TRERF1: variants seen among roughly 807,000 people sequenced by gnomAD.
TRERF1 encodes transcriptional regulating factor 1.
Under a neutral mutation model 122.9 loss-of-function variants are expected in TRERF1, and 27 were observed. The ratio of observed to expected loss-of-function variants is 0.22; its 90% CI spans 0.16 to 0.30. The LOEUF (loss-of-function observed/expected upper bound fraction) is 0.30, where lower values mean the gene tolerates loss of function less well. Ranked by LOEUF, TRERF1 falls within the 10% of genes least tolerant of loss-of-function variation. The probability of loss-of-function intolerance (pLI) is 1.00; values close to 1 mark genes in which losing one functional copy is unlikely to be tolerated. For missense variants in TRERF1, 1,248 were observed against 1,560.3 expected (o/e 0.80, Z 3.37); for synonymous variants, 636 against 641.7 (o/e 0.99, Z 0.13).
chr6:42,247,894 T>C lies in TRERF1; in HGVS notation c.2657-1350A>G, dbSNP rs146828285. Among the ~76,000 whole-genome samples the C allele has an allele frequency of 5.7e-3, 867 of 152,298 alleles. 19 individuals are homozygous for C. The highest frequency in any genetic ancestry group is 0.05 in the Admixed American group (770 of 15,300). ...AGGCTTTGACCTCACTACACTTCTC[T>C]AGACTTCATTAGTGGGGTACACTAG... On this transcript the variant is annotated intron_variant, in intron 13 of 17. Transcript: ENST00000372922.
chr6:42,313,002 C>T (rs948604502), intron 3 of TRERF1, among the ~76,000 whole-genome samples: 2 of 152,220 alleles, frequency 1.3e-5, no homozygotes, highest in African/African-American at 4.8e-5. Context: ...GGGGCAGTGC[C>T]CTCTGCTCAT....
intron 3 of TRERF1, among the ~76,000 whole-genome samples, chr6:42,308,744 T>C (rs1382653219): frequency 6.6e-6 from 1 of 151,914 alleles, no homozygotes; most frequent in Non-Finnish European, 1.5e-5. Flanking sequence ...TGAGAACTTA[T>C]GAACACAAAG....
intron 3 of TRERF1, among the ~76,000 whole-genome samples, chr6:42,328,004 CTTTTTTT>C (rs36069546): frequency 4.6e-5 from 5 of 108,004 alleles, no homozygotes; most frequent in East Asian, 4.8e-4. Context: ...TTCTTTCTTT[CTTTTTTT>C]TTTTTTTTTT....
At chr6:42,287,299 A>G (rs973926699) in intron 4 of TRERF1, among the ~76,000 whole-genome samples, 3 of 151,954 alleles carry the variant, frequency 2.0e-5, no homozygotes, top group Non-Finnish European at 2.9e-5. Flanking sequence ...TAATAAAAAA[A>G]AAAAAAAGAA....
chr6:42,429,684 T>C (rs1316922023), intron 2 of TRERF1, among the ~76,000 whole-genome samples: 2 of 152,082 alleles, frequency 1.3e-5, no homozygotes, highest in African/African-American at 4.8e-5. Flanking sequence ...ACTGGACATA[T>C]ATTTACGGAG....
chr6:42,406,701 T>C (rs1341119359), intron 2 of TRERF1, among the ~76,000 whole-genome samples: 1 of 152,058 alleles, frequency 6.6e-6, no homozygotes, highest in Admixed American at 6.5e-5. Context: ...GTGGCCCCAA[T>C]GTCCCTCGTC....
At chr6:42,358,869 G>A (rs900449788) in intron 3 of TRERF1, among the ~76,000 whole-genome samples, 3 of 150,088 alleles carry the variant, frequency 2.0e-5, no homozygotes, top group Non-Finnish European at 4.4e-5. Flanking sequence ...CACTCTCTGA[G>A]CCAAGGAATT....
chr6:42,257,563 A>G (rs1477366039), intron 10 of TRERF1, among the ~76,000 whole-genome samples: 1 of 152,244 alleles, frequency 6.6e-6, no homozygotes, highest in Non-Finnish European at 1.5e-5. Flanking sequence ...TGACGAGTCA[A>G]CTAAACCCTA....
chr6:42,408,228 T>TACAC (rs879936418), intron 2 of TRERF1, among the ~76,000 whole-genome samples: 5 of 78,400 alleles, frequency 6.4e-5, no homozygotes, highest in Admixed American at 1.4e-4. Flanking sequence ...TATATATATA[T>TACAC]GTGTGTGTGT....
rs753534710 is a variant in TRERF1, at chr6:42,263,270, C to T, written c.1884+50G>A. On this transcript the variant is annotated intron_variant, in intron 8 of 17. Coordinates refer to ENST00000372922, the Ensembl canonical transcript of TRERF1. This position sits in a 1 kb window ranked among gnomAD's most constrained non-coding sequence, Gnocchi z 5.6. ...AGAGCAGCAACTCACAGCAGGCGTG[C>T]GGGGGGCAGCCCCTTGGGGTGAGTG... is the stretch of plus-strand genomic sequence containing the variant. 13 of 1,552,272 alleles carry T rather than the reference C, an allele frequency of 8.4e-6. No homozygotes were observed. The highest frequency in any genetic ancestry group is 1.8e-5 in the Admixed American group (1 of 55,644).
rs1284655138 is a variant in TRERF1, at chr6:42,262,546, A to C, written c.1884+774T>G. On this transcript the variant is annotated intron_variant, in intron 8 of 17. Transcript: ENST00000372922. ...GAGAGAGAGAGAGAGAGAGAGAGAG[A>C]GAGAGAGAGAGAGAGAGAGAGAGAG... 3.0e-4 allele frequency among the ~76,000 whole-genome samples: 28 copies of C among 94,844 alleles called. 2 individuals are homozygous for C. In the East Asian group the frequency reaches 6.0e-3, roughly 20 times the overall value. 62.2% of individuals were successfully genotyped at this position (94,844 alleles called of 152,430 possible).
intron 3 of TRERF1, among the ~76,000 whole-genome samples, chr6:42,332,675 C>T (rs972916703): frequency 3.3e-5 from 5 of 152,172 alleles, no homozygotes; most frequent in African/African-American, 1.2e-4. Flanking sequence ...CTCAAAGGGC[C>T]CTCACGGTTA....
chr6:42,336,147 C>T (rs932922869), intron 3 of TRERF1, among the ~76,000 whole-genome samples: 1 of 152,140 alleles, frequency 6.6e-6, no homozygotes, highest in Admixed American at 6.5e-5. Flanking sequence ...GCTGCAGTAT[C>T]CCCAGGGACT....
intron 2 of TRERF1, among the ~76,000 whole-genome samples, chr6:42,446,808 G>A (rs745370776): frequency 7.2e-5 from 11 of 152,134 alleles, no homozygotes; most frequent in Non-Finnish European, 1.5e-4. Flanking sequence ...TTCAAGACCA[G>A]CCTGGTCAAC....
At chr6:42,401,779 C>T (rs1364016290) in intron 2 of TRERF1, among the ~76,000 whole-genome samples, 1 of 152,170 alleles carries the variant, frequency 6.6e-6, no homozygotes, top group African/African-American at 2.4e-5. Flanking sequence ...TTCAGTTCTT[C>T]ACAACTGAGT....
intron 2 of TRERF1, among the ~76,000 whole-genome samples, chr6:42,424,427 A>G (rs1783302405): frequency 1.3e-5 from 2 of 152,218 alleles, no homozygotes; most frequent in Admixed American, 6.5e-5. Context: ...TGTTGCATCA[A>G]CTGAGGTCAA....
At chr6:42,234,059 G>A (rs1771493559) in intron 16 of TRERF1, among the ~76,000 whole-genome samples, 1 of 152,110 alleles carries the variant, frequency 6.6e-6, no homozygotes, top group African/African-American at 2.4e-5. Context: ...TGTATAGGAT[G>A]TTTAGCAGCA....
chr6:42,451,619 ACATGCACCCCTCCCTCTCCTCCTCCC>A (rs1295509122), intron 1 of TRERF1, among the ~76,000 whole-genome samples, 29 bp downstream of exon 1: 41 of 111,112 alleles, frequency 3.7e-4, no homozygotes, highest in African/African-American at 1.3e-3. Context: ...CCTTCTATAT[ACATGCACCCCTCCCTCTCCTCCTCCC>A]CATGCGCCCT....
chr6:42,294,233 G>C (rs1784737257), intron 4 of TRERF1, among the ~76,000 whole-genome samples: 1 of 146,406 alleles, frequency 6.8e-6, no homozygotes, highest in South Asian at 2.1e-4. Flanking sequence ...CTGGGCTGGA[G>C]TGCAGTGGTG....
Sources: gnomAD v4.1 joint callset for allele counts (sites outside exome capture counted in the v4.1 genomes callset) on GRCh38, gnomAD v4.1.1 for gene constraint, Gnocchi (gnomAD v3.1) non-coding constraint, MANE v1.5 for transcripts, NCBI Gene and HGNC (gene_info 2026-07-23, HGNC 2026-07-21) for gene names.